Variants in KCNQ5 observed in about 807,000 individuals in gnomAD.
KCNQ5 encodes potassium voltage-gated channel subfamily Q member 5.
In KCNQ5, 30 loss-of-function variants were observed where a neutral mutation model predicts 98.2. The observed-to-expected ratio is 0.31, with a 90% CI of 0.23 to 0.41. KCNQ5 has a LOEUF of 0.41. KCNQ5 is among the 10% of genes least tolerant of loss of function. KCNQ5 has a pLI of 1.00. For synonymous variants in KCNQ5, 458 were observed against 449.4 expected, an observed-to-expected ratio of 1.02 and a Z score of -0.24; for missense variants, 835 against 1,182.5, an observed-to-expected ratio of 0.71 and a Z score of 4.31.
At chr6:73,046,903 A>G (rs1233775270) in intron 3 of KCNQ5, among the ~76,000 whole-genome samples, 1 of 152,186 alleles carries the variant, frequency 6.6e-6, no homozygotes, top group Non-Finnish European at 1.5e-5. Context: ...TCAGCGTCCC[A>G]AAGTGCTGGT....
At chr6:72,948,228 T>G (rs1554189126) in intron 1 of KCNQ5, among the ~76,000 whole-genome samples, 1 of 152,186 alleles carries the variant, frequency 6.6e-6, no homozygotes, top group East Asian at 1.9e-4. Flanking sequence ...GTCATTCTTA[T>G]GAGACTAAGA....
At chr6:72,851,587 G>T (rs1323375335) in intron 1 of KCNQ5, among the ~76,000 whole-genome samples, 1 of 151,976 alleles carries the variant, frequency 6.6e-6, no homozygotes, top group Non-Finnish European at 1.5e-5. Context: ...GCATGTAGAA[G>T]GCAAAACACA....
At chr6:72,895,378 G>A (rs920460932) in intron 1 of KCNQ5, among the ~76,000 whole-genome samples, 1 of 151,080 alleles carries the variant, frequency 6.6e-6, no homozygotes, top group Non-Finnish European at 1.5e-5. Flanking sequence ...TTCAACTACA[G>A]AAGGGCTGTG....
In KCNQ5 at chr6:73,097,142, C is replaced by CATATATATTTATATATATATAT. The variant is rs1554208507; in HGVS notation, c.919-8107_919-8106insTTATATATATATATATATATAT. On this transcript the variant is annotated intron_variant, in intron 5 of 13. Transcript: ENST00000370398. ...ATTCACCACACTGTGCAATAGATCT[C>CATATATATTTATATATATATAT]ATATATATATATATATACACACACA... Among the ~76,000 whole-genome samples, 4 of 121,902 alleles carry CATATATATTTATATATATATAT rather than the reference C, an allele frequency of 3.3e-5. No homozygotes were observed. The East Asian group carries it at 1.0e-3, about 31-fold the overall frequency. The allele number at this position is 121,902 out of a possible 152,430, so 80.0% of individuals were successfully genotyped here. A position where few individuals can be genotyped will look rare whatever the true frequency, so the allele number is the denominator to read the frequency against.
intron 1 of KCNQ5, among the ~76,000 whole-genome samples, chr6:72,623,299 G>T (rs1180186881): frequency 1.3e-5 from 2 of 152,152 alleles, no homozygotes; most frequent in African/African-American, 4.8e-5. Context: ...GCAGGAACGC[G>T]GGCGGAGGTG....
intron 1 of KCNQ5, among the ~76,000 whole-genome samples, chr6:72,745,848 C>T (rs938663296): frequency 6.6e-6 from 1 of 152,164 alleles, no homozygotes; most frequent in Admixed American, 6.5e-5. Context: ...CTCTTCCTAA[C>T]ATCTAGTGGT....
intron 5 of KCNQ5, among the ~76,000 whole-genome samples, chr6:73,097,142 C>CATAAATATATATATATATATATATAT (rs1774539734): frequency 8.2e-6 from 1 of 121,858 alleles, no homozygotes; most frequent in African/African-American, 2.7e-5. Context: ...CAATAGATCT[C>CATAAATATATATATATATATATATAT]ATATATATAT....
At chr6:72,669,243 C>A (rs1367249441) in intron 1 of KCNQ5, among the ~76,000 whole-genome samples, 1 of 152,128 alleles carries the variant, frequency 6.6e-6, no homozygotes, top group East Asian at 1.9e-4. Context: ...AGCTAATGGG[C>A]TTCCAAAATA....
intron 10 of KCNQ5, among the ~76,000 whole-genome samples, chr6:73,145,811 C>T (rs1318715556): frequency 6.6e-6 from 1 of 152,184 alleles, no homozygotes; most frequent in African/African-American, 2.4e-5. Context: ...GTTTAATTGA[C>T]TCACAGTTCC....
chr6:72,777,922 T>TA (rs1260986514), intron 1 of KCNQ5, among the ~76,000 whole-genome samples: 1 of 152,162 alleles, frequency 6.6e-6, no homozygotes, highest in East Asian at 1.9e-4. Flanking sequence ...AGTTCACCGT[T>TA]AAAAAAGCTA....
intron 1 of KCNQ5, among the ~76,000 whole-genome samples, chr6:72,872,737 TA>T (rs1203210690): frequency 6.6e-6 from 1 of 151,976 alleles, no homozygotes; most frequent in Non-Finnish European, 1.5e-5. Flanking sequence ...TGTACAAAAA[TA>T]GGGGGATCTA....
At chr6:72,950,996 G>A (rs1049982357) in intron 1 of KCNQ5, among the ~76,000 whole-genome samples, 5 of 152,066 alleles carry the variant, frequency 3.3e-5, no homozygotes, top group Admixed American at 2.6e-4. Context: ...GCTGCTTAGA[G>A]CTGAGAATCC....
chr6:72,779,797 A>G (rs9360598), intron 1 of KCNQ5, among the ~76,000 whole-genome samples: 14,058 of 150,118 alleles, frequency 0.094, 937 homozygotes, highest in East Asian at 0.28. Flanking sequence ...GGCACGAGTC[A>G]CCATGCCCAG....
chr6:72,727,748 A>G (rs758565858), intron 1 of KCNQ5, among the ~76,000 whole-genome samples: 4 of 151,672 alleles, frequency 2.6e-5, no homozygotes, highest in Admixed American at 6.6e-5. Flanking sequence ...GGGTGGGGTC[A>G]GCTGGGGTTT....
intron 1 of KCNQ5, among the ~76,000 whole-genome samples, chr6:72,935,506 C>T (rs996713201): frequency 2.0e-5 from 3 of 152,088 alleles, no homozygotes; most frequent in African/African-American, 7.2e-5. Flanking sequence ...AGCATACTGC[C>T]GGCACTCAGA....
intron 1 of KCNQ5, among the ~76,000 whole-genome samples, chr6:72,699,845 T>C (rs1225210551): frequency 9.8e-5 from 15 of 152,332 alleles, no homozygotes; most frequent in Admixed American, 1.3e-4. Flanking sequence ...ACTGTTAAAT[T>C]AAACTTCTGT....
At chr6:72,894,278 A>G (rs1779164576) in intron 1 of KCNQ5, among the ~76,000 whole-genome samples, 1 of 152,186 alleles carries the variant, frequency 6.6e-6, no homozygotes, top group South Asian at 2.1e-4. Context: ...TCATTTAAAG[A>G]GGAAGTAATC....
At chr6:72,848,143 A>G (rs572492926) in intron 1 of KCNQ5, among the ~76,000 whole-genome samples, 13 of 152,128 alleles carry the variant, frequency 8.5e-5, no homozygotes, top group African/African-American at 2.2e-4. Context: ...AAAGGCCAAC[A>G]GTGACCTCCT....
intron 1 of KCNQ5, among the ~76,000 whole-genome samples, chr6:72,637,619 G>A (rs1177708351): frequency 2.0e-5 from 3 of 152,104 alleles, no homozygotes; most frequent in Non-Finnish European, 4.4e-5. Context: ...ACTTCAAATG[G>A]ATTTCAGACC....
Sources: gnomAD v4.1 joint callset for allele counts (sites outside exome capture counted in the v4.1 genomes callset) on GRCh38, gnomAD v4.1.1 for gene constraint, MANE v1.5 for transcripts, NCBI Gene and HGNC (gene_info 2026-07-23, HGNC 2026-07-21) for gene names.